The following PLXNA1 variants were observed in gnomAD, a reference collection of about 807,000 sequenced individuals.
The protein encoded by PLXNA1 is plexin-A1.
Under a neutral mutation model 191.7 loss-of-function variants are expected in PLXNA1, and 77 were observed. The ratio of observed to expected loss-of-function variants is 0.40; its 90% CI spans 0.33 to 0.49. PLXNA1 has a LOEUF of 0.49. PLXNA1 is among the 20% of genes least tolerant of loss of function. The pLI is 0.63. For missense variants in PLXNA1, 2,110 were observed against 2,660.2 expected (o/e 0.79, Z 4.55); for synonymous variants, 1,137 against 1,156.4 (o/e 0.98, Z 0.34).
rs760922596 is a variant in PLXNA1 at position 126,988,610 on chromosome 3, G to A, written c.17G>A (p.Arg6Gln). The A allele has an allele frequency of 6.5e-5, 101 of 1,543,470 alleles. No individual in the cohort carries two copies. The East Asian group carries it at 8.3e-4, about 13-fold the overall frequency. Residue 6 changes from arginine to glutamine, a missense_variant, in exon 2 of 32, where the codon CGG (arginine) becomes CAG (glutamine). Arg to Gln is a conservative substitution (Grantham distance 43). Around this residue, in one of 4 missense-constraint regions of PLXNA1, gnomAD observed 903 missense variants for 1,015.7 expected, o/e 0.89. Coordinates refer to ENST00000393409, the MANE Select transcript of PLXNA1 (RefSeq NM_032242.4). ...CAGCCTGCCATGCCGCTGCCACCGC[G>A]GAGCCTGCAGGTGCTCCTGCTGCTG... MPLPP[R>Q]SLQVLLLLLL...
intron 3 of PLXNA1, among the ~76,000 whole-genome samples, chr3:126,998,137 AG>A (rs1368012816): frequency 6.6e-6 from 1 of 152,178 alleles, no homozygotes; most frequent in Non-Finnish European, 1.5e-5. Flanking sequence ...CAAAGCTCAG[AG>A]GTGCCCCCCG....
In PLXNA1 at chr3:127,002,306, G is replaced by A. The variant is rs114598562; in HGVS notation, c.1378-1024G>A. 8.1e-4 allele frequency among the ~76,000 whole-genome samples: 124 copies of A among 152,322 alleles called. 1 individual carries two copies. The highest frequency in any genetic ancestry group is 2.7e-3 in the African/African-American group (113 of 41,570). ...AGCTGAGCGGATGTGGGGGGTGGCC[G>A]GCGGCGCTCAGGAATGCGGCCCTCC... On this transcript the variant is annotated intron_variant, in intron 3 of 31. Transcript: ENST00000393409.
At chr3:127,018,035 C>T (rs1210350575) in intron 19 of PLXNA1, 143 bp downstream of exon 19, 9 of 1,220,012 alleles carry the variant, frequency 7.4e-6, no homozygotes, top group Middle Eastern at 2.8e-4. Flanking sequence ...CAGGCCCTGC[C>T]GTAGCCTTCA....
chr3:127,014,886 G>A lies in PLXNA1; in HGVS notation c.2877+55G>A, dbSNP rs949917294. On this transcript the variant is annotated intron_variant, in intron 14 of 31. Transcript: ENST00000393409. Reference sequence around the variant, plus strand: ...TTCTCTGCTGCTCTGAGAGGGTGCCGCTCAGGGCTTCTGTGCCTCTTCAGG... The same window carrying A: ...TTCTCTGCTGCTCTGAGAGGGTGCCACTCAGGGCTTCTGTGCCTCTTCAGG... 55 of 1,581,022 alleles carry A rather than the reference G, an allele frequency of 3.5e-5. 1 individual carries two copies. The highest frequency in any genetic ancestry group is 2.4e-4 in the African/African-American group (18 of 74,296).
At chr3:127,019,870 A>G (rs2079143999) in intron 20 of PLXNA1, among the ~76,000 whole-genome samples, 1 of 152,122 alleles carries the variant, frequency 6.6e-6, no homozygotes, top group African/African-American at 2.4e-5. Context: ...CCACCACCTC[A>G]CAGCGGGTGG....
At chr3:126,998,870 C>A (rs1002002065) in intron 3 of PLXNA1, among the ~76,000 whole-genome samples, 2 of 152,192 alleles carry the variant, frequency 1.3e-5, no homozygotes, top group Non-Finnish European at 2.9e-5. Context: ...AGGACACTCT[C>A]TCCCCCGACA....
rs746016660 is a variant in PLXNA1 at position 126,989,751 on chromosome 3, G to A, written c.1158G>A (p.Pro386=). 8.1e-6 allele frequency: 13 copies of A among 1,611,970 alleles called. No homozygotes were observed. The highest frequency in any genetic ancestry group is 3.3e-5 in the South Asian group (3 of 90,896). ...GTGGTGAGGGCAAGCTCTCCCTGCC[G>A]TGGCTGCTCAACAAGGAGCTGGGCT... The part of the protein sequence containing the change: ...CYRGEGKLSL[P]WLLNKELGCI... The change falls in exon 2 of 32, where the codon CCG becomes CCA. Residue 386 remains proline, a synonymous_variant. Coordinates refer to ENST00000393409, the MANE Select transcript of PLXNA1 (RefSeq NM_032242.4).
At chr3:127,002,566 G>T (rs1251017111) in intron 3 of PLXNA1, among the ~76,000 whole-genome samples, 1 of 152,248 alleles carries the variant, frequency 6.6e-6, no homozygotes, top group Non-Finnish European at 1.5e-5. Flanking sequence ...GGGAGCAGGA[G>T]TGGGTCAGGC....
chr3:127,004,507 G>T, intron 4 of PLXNA1, 104 bp from the exon 5 acceptor site: 1 of 802,256 alleles, frequency 1.2e-6, no homozygotes, highest in Non-Finnish European at 2.1e-6. Context: ...AACAAGTGCA[G>T]GGCCTCCCCG....
chr3:127,007,972 A>T, intron 9 of PLXNA1, 59 bp downstream of exon 9: 2 of 1,177,812 alleles, frequency 1.7e-6, no homozygotes, highest in Non-Finnish European at 2.5e-6. Flanking sequence ...CTGGGTTGAG[A>T]CATCCCATCT....
At chr3:126,987,015 C>T (rs1321199615) in intron 1 of PLXNA1, among the ~76,000 whole-genome samples, 1 of 152,256 alleles carries the variant, frequency 6.6e-6, no homozygotes, top group Non-Finnish European at 1.5e-5. Flanking sequence ...TAGCCGGCTC[C>T]AGCCAGGAGT....
intron 23 of PLXNA1, chr3:127,026,612 CAT>C (rs1303475893): frequency 2.0e-5 from 3 of 152,274 alleles, no homozygotes; most frequent in East Asian, 3.8e-4. Flanking sequence ...GCAAATGAAA[CAT>C]AATTTCATAG....
intron 3 of PLXNA1, among the ~76,000 whole-genome samples, chr3:126,997,371 G>A (rs2079019188): frequency 6.6e-6 from 1 of 152,216 alleles, no homozygotes; most frequent in East Asian, 1.9e-4. Context: ...GGCGGCCTGT[G>A]GCAGTGCCCG....
chr3:127,013,058 C>T (rs1363826049), intron 10 of PLXNA1, among the ~76,000 whole-genome samples: 1 of 152,218 alleles, frequency 6.6e-6, no homozygotes, highest in Non-Finnish European at 1.5e-5. Context: ...GACCCCTGGT[C>T]TGTCCCAGCA....
At position 127,030,096 on chromosome 3, in the gene PLXNA1, C is replaced by T. The variant is rs549202760; in HGVS notation, c.5061+32C>T. ...CTGGCTGGCAGATGGGGGCAGGGGA[C>T]GCTGGGCCAACTGAGCTCAGAGAAA... is the stretch of plus-strand genomic sequence containing the variant. On this transcript the variant is annotated intron_variant, in intron 28 of 31. Coordinates refer to ENST00000393409, the MANE Select transcript of PLXNA1 (RefSeq NM_032242.4). The T allele has an allele frequency of 5.9e-5, 94 of 1,605,104 alleles. No homozygotes were observed. In the Middle Eastern group the frequency reaches 1.2e-3, roughly 20 times the overall value.
rs1054817332 is a variant in PLXNA1 at position 127,030,437 on chromosome 3, G to A, written c.5231+25G>A. On this transcript the variant is annotated intron_variant, in intron 29 of 31. Coordinates refer to ENST00000393409, the MANE Select transcript of PLXNA1 (RefSeq NM_032242.4). Reference sequence around the variant, plus strand: ...GGTAATGCAGGGCAGGGGGAGGAGGGGCATCCCCCAGGGCCAGGCCAGATG... The same window carrying A: ...GGTAATGCAGGGCAGGGGGAGGAGGAGCATCCCCCAGGGCCAGGCCAGATG... 7 of 1,611,510 alleles carry A rather than the reference G, an allele frequency of 4.3e-6. No individual in the cohort carries two copies. In the African/African-American group the frequency reaches 8.0e-5, roughly 18 times the overall value.
At chr3:127,028,398 A>G (rs1028058697) in intron 25 of PLXNA1, 58 bp downstream of exon 25, 2 of 1,553,702 alleles carry the variant, frequency 1.3e-6, no homozygotes, top group Non-Finnish European at 1.7e-6. Flanking sequence ...GGGCAGGGCC[A>G]TGGCCTAGTA....
At chr3:127,011,577 C>T (rs2079095784) in intron 9 of PLXNA1, among the ~76,000 whole-genome samples, 1 of 152,232 alleles carries the variant, frequency 6.6e-6, no homozygotes, top group African/African-American at 2.4e-5. Flanking sequence ...GAGGCCAGGC[C>T]TGTTTTTCTG....
intron 9 of PLXNA1, among the ~76,000 whole-genome samples, chr3:127,009,567 C>T (rs1397827744): frequency 6.6e-6 from 1 of 151,528 alleles, no homozygotes; most frequent in African/African-American, 2.4e-5. Context: ...CCAACCCCCC[C>T]ACAAGCCCTC....
Sources: allele counts gnomAD v4.1 joint callset (sites outside exome capture counted in the v4.1 genomes callset), GRCh38; gene constraint gnomAD v4.1.1; regional missense constraint gnomAD v4.1.1; transcripts MANE v1.5; gene names NCBI Gene and HGNC (gene_info 2026-07-23, HGNC 2026-07-21).